Variants in TRMT9B observed in about 807,000 individuals in gnomAD.
The protein encoded by TRMT9B is probable tRNA methyltransferase 9B.
In TRMT9B, 16 loss-of-function variants were observed where a neutral mutation model predicts 11.5. The ratio of observed to expected loss-of-function variants is 1.39; its 90% CI spans 0.94 to 2.11. The LOEUF (loss-of-function observed/expected upper bound fraction) is 2.11, where lower values mean the gene tolerates loss of function less well. Among genes scored for constraint, TRMT9B ranks in the 30% most tolerant of loss-of-function variants. The pLI is 0.00. For synonymous variants in TRMT9B, 274 were observed against 192.4 expected (o/e 1.42, Z -3.51); for missense variants, 941 against 553.8 (o/e 1.70, Z -7.02).
chr8:12,983,537 G>A (rs893290304), intron 1 of TRMT9B, among the ~76,000 whole-genome samples: 7 of 152,152 alleles, frequency 4.6e-5, no homozygotes, highest in African/African-American at 2.4e-5. Context: ...GGGCGTTGTG[G>A]CAGGTGCCTG....
intron 3 of TRMT9B, among the ~76,000 whole-genome samples, chr8:13,009,342 A>G (rs908761198): frequency 5.9e-5 from 9 of 152,332 alleles, no homozygotes; most frequent in Admixed American, 5.2e-4. Flanking sequence ...CAAAGGAAAA[A>G]AAAAGGGAAA....
At chr8:12,964,512 C>A (rs947532534) in intron 1 of TRMT9B, among the ~76,000 whole-genome samples, 5 of 152,144 alleles carry the variant, frequency 3.3e-5, no homozygotes, top group Admixed American at 2.6e-4. Context: ...GATAGAACTC[C>A]TTGAGGTTAA....
intron 4 of TRMT9B, among the ~76,000 whole-genome samples, chr8:13,014,102 G>C (rs1402338901): frequency 6.6e-6 from 1 of 152,164 alleles, no homozygotes; most frequent in Non-Finnish European, 1.5e-5. Context: ...CCAACATTAG[G>C]TGGGGACTAT....
chr8:12,967,453 CGAT>C (rs1289100287), intron 1 of TRMT9B, among the ~76,000 whole-genome samples: 2 of 152,270 alleles, frequency 1.3e-5, no homozygotes, highest in East Asian at 3.9e-4. Context: ...ATGGTGACAA[CGAT>C]GATTTGTTTA....
chr8:12,949,965 G>A (rs913326087), intron 1 of TRMT9B, among the ~76,000 whole-genome samples: 5 of 152,156 alleles, frequency 3.3e-5, no homozygotes, highest in African/African-American at 1.2e-4. Flanking sequence ...TGACCCTCCT[G>A]CCTCAACCTC....
At chr8:13,006,523 G>A in intron 3 of TRMT9B, 167 bp downstream of exon 3, 4 of 1,446,050 alleles carry the variant, frequency 2.8e-6, no homozygotes, top group Non-Finnish European at 3.6e-6. Context: ...TTGAGCCTTT[G>A]CTTTTCACAT....
intron 1 of TRMT9B, among the ~76,000 whole-genome samples, chr8:12,957,061 G>A (rs1184451633): frequency 6.6e-6 from 1 of 152,132 alleles, no homozygotes; most frequent in Admixed American, 6.5e-5. Flanking sequence ...ATGATAGTAT[G>A]GTACTTTTAT....
At chr8:12,974,963 A>G (rs1455877481) in intron 1 of TRMT9B, among the ~76,000 whole-genome samples, 1 of 152,152 alleles carries the variant, frequency 6.6e-6, no homozygotes, top group Non-Finnish European at 1.5e-5. Context: ...TTTGCCATAA[A>G]AGGAAGCAGG....
intron 4 of TRMT9B, among the ~76,000 whole-genome samples, chr8:13,014,229 A>T (rs1460068216): frequency 1.3e-5 from 2 of 152,190 alleles, no homozygotes; most frequent in South Asian, 4.1e-4. Flanking sequence ...TGCAGTTGAA[A>T]CTGTTAGATC....
intron 3 of TRMT9B, chr8:13,011,529 A>G: frequency 2.1e-6 from 2 of 958,760 alleles, no homozygotes; most frequent in Non-Finnish European, 2.5e-6. Context: ...TTCTTTTAAT[A>G]TTTCTGGAAA....
chr8:13,005,042 T>C (rs955555213), intron 2 of TRMT9B, among the ~76,000 whole-genome samples: 1 of 147,140 alleles, frequency 6.8e-6, no homozygotes, highest in African/African-American at 2.6e-5. Context: ...GCCGAGATCA[T>C]GCCACTGCAC....
chr8:12,992,805 G>C (rs1807603110), intron 2 of TRMT9B, among the ~76,000 whole-genome samples: 1 of 152,272 alleles, frequency 6.6e-6, no homozygotes, highest in African/African-American at 2.4e-5. Context: ...GGAGGCAGAG[G>C]TTGCAGTGAG....
chr8:13,021,855 A>C lies in TRMT9B; in HGVS notation c.1176A>C (p.Thr392=). The C allele has an allele frequency of 2.5e-6, 4 of 1,613,854 alleles. No individual in the cohort carries two copies. The highest frequency in any genetic ancestry group is 1.6e-4 in the Middle Eastern group (1 of 6,062). ...VDSTDFNPDD[T]MSVEDPQTDV... Reference sequence around the variant, plus strand: ...CCACAGATTTCAACCCAGATGATACAATGTCTGTCGAAGATCCACAGACTG... The same window carrying C: ...CCACAGATTTCAACCCAGATGATACCATGTCTGTCGAAGATCCACAGACTG... Residue 392 remains threonine (T), a synonymous_variant, in exon 5 of 5, where the codon ACA becomes ACC. Coordinates refer to ENST00000524591, the MANE Select transcript of TRMT9B (RefSeq NM_020844.3).
chr8:12,984,098 G>A (rs1355578939), intron 1 of TRMT9B, among the ~76,000 whole-genome samples: 1 of 152,098 alleles, frequency 6.6e-6, no homozygotes, highest in East Asian at 1.9e-4. Context: ...CTTTCTGATG[G>A]TTCAGTGTAC....
At chr8:13,011,362 A>G (rs775328371) in intron 3 of TRMT9B, 21 of 985,158 alleles carry the variant, frequency 2.1e-5, no homozygotes, top group Non-Finnish European at 2.5e-5. Context: ...CTTTTACTGT[A>G]TCATAATTTT....
intron 1 of TRMT9B, among the ~76,000 whole-genome samples, chr8:12,974,115 G>C (rs1804054914): frequency 6.6e-6 from 1 of 152,068 alleles, no homozygotes; most frequent in Admixed American, 6.6e-5. Context: ...AGGCTTCAGT[G>C]AGCCAAGATC....
chr8:12,991,451 G>A (rs539319746), intron 2 of TRMT9B, among the ~76,000 whole-genome samples: 129 of 152,170 alleles, frequency 8.5e-4, no homozygotes, highest in African/African-American at 2.5e-3. Flanking sequence ...TTAACTGTTC[G>A]GACCAACTTG....
chr8:12,964,072 A>G (rs976335737), intron 1 of TRMT9B, among the ~76,000 whole-genome samples: 1 of 152,198 alleles, frequency 6.6e-6, no homozygotes, highest in African/African-American at 2.4e-5. Flanking sequence ...TTTTCTAACA[A>G]TTTAGGATGC....
rs750286091 is a variant in TRMT9B, at chr8:13,021,539, C to T, written c.860C>T (p.Ser287Phe). Residue 287 changes from serine (S) to phenylalanine (F), a missense_variant, in exon 5 of 5, where the codon TCC (serine) becomes TTC (phenylalanine). Physicochemically the swap from Ser to Phe is radical, Grantham distance 155 (BLOSUM62 -2). Transcript: ENST00000524591. The part of the protein sequence containing the change: ...WASSTVTVQP[S>F]RHSSLDFDHQ... ...AGTAGCACTGTAACAGTCCAGCCTT[C>T]CAGACACTCTAGTTTAGACTTTGAT... 1.4e-5 allele frequency: 22 copies of T among 1,613,724 alleles called. No homozygotes were observed. The highest frequency in any genetic ancestry group is 1.7e-5 in the Non-Finnish European group (20 of 1,179,800).
Sources: gnomAD v4.1 joint callset for allele counts (sites outside exome capture counted in the v4.1 genomes callset) on GRCh38, gnomAD v4.1.1 for gene constraint, MANE v1.5 for transcripts, NCBI Gene and HGNC (gene_info 2026-07-23, HGNC 2026-07-21) for gene names.